The following GASK1B variants were observed in gnomAD, a reference collection of about 807,000 sequenced individuals.
The protein encoded by GASK1B is Golgi-associated kinase 1B.
Under a neutral mutation model 42.8 loss-of-function variants are expected in GASK1B, and 34 were observed. That is an observed-to-expected ratio of 0.79 (90% confidence interval 0.60 to 1.06). The LOEUF is 1.06. Ranked by LOEUF, GASK1B falls within the 50% of genes least tolerant of loss-of-function variation. The probability of loss-of-function intolerance (pLI) is 0.00; values close to 1 mark genes in which losing one functional copy is unlikely to be tolerated. For missense variants in GASK1B, 686 were observed against 661.0 expected, an observed-to-expected ratio of 1.04 and a Z score of -0.42; for synonymous variants, 262 against 259.1, an observed-to-expected ratio of 1.01 and a Z score of -0.11.
At chr4:158,162,464 G>T (rs985532323) in intron 2 of GASK1B, among the ~76,000 whole-genome samples, 1 of 152,120 alleles carries the variant, frequency 6.6e-6, no homozygotes, top group Non-Finnish European at 1.5e-5. Flanking sequence ...AGAGTCTAAG[G>T]AATGGTCCAT....
chr4:158,137,187 A>C (rs559189542), intron 3 of GASK1B, among the ~76,000 whole-genome samples: 5 of 152,264 alleles, frequency 3.3e-5, no homozygotes, highest in African/African-American at 1.2e-4. Flanking sequence ...ACGAATTCTC[A>C]TATCTCACAG....
At position 158,130,846 on chromosome 4, in the gene GASK1B, T is replaced by C; in HGVS notation, c.1292A>G (p.Lys431Arg). ...ATCTTCACTCCTGTCAAAGAAACCC[T>C]TGTTGTCTATAAAAACCAAATGCCT... ...DPRHLVFIDN[K>R]GFFDRSEDNL... Residue 431 changes from lysine (K) to arginine (R), a missense_variant, in exon 4 of 5, where the codon AAG becomes AGG. Coordinates refer to ENST00000585682, the MANE Select transcript of GASK1B (RefSeq NM_001128424.2). 2.5e-6 allele frequency: 4 copies of C among 1,613,990 alleles called. No individual in the cohort carries two copies. The highest frequency in any genetic ancestry group is 3.4e-6 in the Non-Finnish European group (4 of 1,179,964).
intron 2 of GASK1B, chr4:158,159,658 G>T (rs530668074): frequency 8.2e-6 from 2 of 244,902 alleles, no homozygotes; most frequent in Admixed American, 1.0e-4. Context: ...GGTTTTAAAA[G>T]ATATGTGGGT....
At position 158,125,103 on chromosome 4, in the gene GASK1B, C is replaced by T. The variant is rs544731031; in HGVS notation, c.*2304G>A. ...TTGTTTCAATAAGACAAAAGAAGAA[C>T]ATTACCTATTAGAATTAAAAGCCTG... On this transcript the variant is annotated 3_prime_UTR_variant, in exon 5 of 5. Coordinates refer to ENST00000585682, the MANE Select transcript of GASK1B (RefSeq NM_001128424.2). 3 of 152,256 alleles carry T rather than the reference C, an allele frequency of 2.0e-5. No individual in the cohort carries two copies. Among genetic ancestry groups the T allele is most frequent in the Admixed American group, 1.3e-4 (2 of 15,288 alleles). The allele number at this position is 152,256 out of a possible 1,614,324, so 9.4% of individuals were successfully genotyped here. A position where few individuals can be genotyped will look rare whatever the true frequency, so the allele number is the denominator to read the frequency against.
intron 3 of GASK1B, among the ~76,000 whole-genome samples, chr4:158,136,901 C>CAATA (rs1730914327): frequency 6.6e-6 from 1 of 152,134 alleles, no homozygotes. Flanking sequence ...AGTAGGTACT[C>CAATA]AATAAATGTT....
In GASK1B at chr4:158,141,920, C is replaced by CTTTTTTT. The variant is rs36207959; in HGVS notation, c.1126-10915_1126-10909dup. On this transcript the variant is annotated intron_variant, in intron 3 of 4. Transcript: ENST00000585682. Reference sequence around the variant, plus strand: ...CCGCGCCCGGCCGATGTTGTGGTTTCTTTTTTTTTTTTTTTTTTTTTTTTT... The same window carrying CTTTTTTT: ...CCGCGCCCGGCCGATGTTGTGGTTTCTTTTTTTTTTTTTTTTTTTTTTTTTTTTTTTT... Among the ~76,000 whole-genome samples, 12 of 47,614 alleles carry CTTTTTTT rather than the reference C, an allele frequency of 2.5e-4. 1 individual carries two copies. Among genetic ancestry groups the CTTTTTTT allele is most frequent in the African/African-American group, 6.1e-4 (7 of 11,436 alleles). The allele number at this position is 47,614 out of a possible 152,430, so 31.2% of individuals were successfully genotyped here.
Position 158,171,355 on chromosome 4 carries a change from CG to C in GASK1B, c.20del (p.Pro7ArgfsTer5). MTCPDK[P>X]GQLINWFICS... ...AGATGAACCAGTTTATGAGCTGCCC[CG>C]GCTTGTCTGGACAGGTCATTTCTCT... On this transcript the variant is annotated frameshift_variant, in exon 2 of 5. Transcript: ENST00000585682. LOFTEE classifies it high-confidence loss of function. 6.3e-7 allele frequency: 1 copy of C among 1,595,840 alleles called. No individual in the cohort carries two copies. The highest frequency in any genetic ancestry group is 8.6e-7 in the Non-Finnish European group (1 of 1,169,040).
chr4:158,132,685 T>C (rs1730727900), intron 3 of GASK1B, among the ~76,000 whole-genome samples: 1 of 152,178 alleles, frequency 6.6e-6, no homozygotes, highest in South Asian at 2.1e-4. Context: ...ATGAAGTTTA[T>C]GTAAAGCTGG....
intron 1 of GASK1B, 172 bp downstream of exon 1, chr4:158,172,696 A>C (rs1378201443): frequency 6.6e-6 from 1 of 152,194 alleles, no homozygotes; most frequent in Non-Finnish European, 1.5e-5. Context: ...GTTCGCAAAC[A>C]GACTCAGAAA....
In GASK1B at chr4:158,127,602, A is replaced by T; in HGVS notation, c.1365T>A (p.Ser455=). 1 of 1,612,724 alleles carries T rather than the reference A, an allele frequency of 6.2e-7. No homozygotes were observed. Among genetic ancestry groups the T allele is most frequent in the Non-Finnish European group, 8.5e-7 (1 of 1,179,518 alleles). The part of the protein sequence containing the change: ...LLEGIKEFPA[S]AVSVLKSQHL... Reference sequence around the variant, plus strand: ...GCTGGCTCTTCAAAACAGAAACTGCAGAAGCTGGAAACCTGAAAAGATAAA... The same window carrying T: ...GCTGGCTCTTCAAAACAGAAACTGCTGAAGCTGGAAACCTGAAAAGATAAA... Residue 455 remains serine (S), a synonymous_variant, in exon 5 of 5, where the codon TCT becomes TCA. Coordinates refer to ENST00000585682, the MANE Select transcript of GASK1B (RefSeq NM_001128424.2).
chr4:158,125,921 T>C lies in GASK1B; in HGVS notation c.*1486A>G, dbSNP rs1730434912. 1.3e-5 allele frequency: 2 copies of C among 152,096 alleles called. No homozygotes were observed. Among genetic ancestry groups the C allele is most frequent in the South Asian group, 4.1e-4 (2 of 4,826 alleles). 9.4% of individuals were successfully genotyped at this position (152,096 alleles called of 1,614,324 possible). On this transcript the variant is annotated 3_prime_UTR_variant, in exon 5 of 5. Transcript: ENST00000585682. ...GATTTTTTTTTTCAAATCTAGCCTC[T>C]ATTGTAACGTTGTTAGTAGTTCTCT...
chr4:158,143,845 A>G (rs1008697578), intron 3 of GASK1B, among the ~76,000 whole-genome samples: 3 of 152,180 alleles, frequency 2.0e-5, no homozygotes, highest in African/African-American at 7.2e-5. Context: ...ATTAAAAAAA[A>G]TCCTTTGTGC....
chr4:158,169,959 T>TG lies in GASK1B; in HGVS notation c.910+506dup, dbSNP rs1732396512. 6 of 431,016 alleles carry TG rather than the reference T, an allele frequency of 1.4e-5. No individual in the cohort carries two copies. The East Asian group carries it at 2.0e-4, about 14-fold the overall frequency. The allele number at this position is 431,016 out of a possible 1,614,324, so 26.7% of individuals were successfully genotyped here. ...TGTTAAATAAAGAGGTTAAATCCAT[T>TG]GAAAAAAAAAGGGGGGGTTAAACCT... On this transcript the variant is annotated intron_variant, in intron 2 of 4. Coordinates refer to ENST00000585682, the MANE Select transcript of GASK1B (RefSeq NM_001128424.2).
chr4:158,143,024 T>G (rs1213443955), intron 3 of GASK1B, among the ~76,000 whole-genome samples: 2 of 152,232 alleles, frequency 1.3e-5, no homozygotes, highest in Non-Finnish European at 2.9e-5. Flanking sequence ...ATGACACTTA[T>G]GAAACAAAAA....
intron 1 of GASK1B, chr4:158,172,665 CT>C (rs1732606598): frequency 1.3e-5 from 2 of 152,098 alleles, no homozygotes; most frequent in Non-Finnish European, 1.5e-5. Flanking sequence ...TTTTTAACCC[CT>C]GGGAGCCCTC....
chr4:158,156,518 T>C (rs895095075), intron 2 of GASK1B, among the ~76,000 whole-genome samples: 2 of 152,186 alleles, frequency 1.3e-5, no homozygotes, highest in African/African-American at 2.4e-5. Flanking sequence ...TTTTAACCTG[T>C]CACTCAATTT....
chr4:158,158,910 C>T (rs1302496780), intron 2 of GASK1B, among the ~76,000 whole-genome samples: 1 of 151,880 alleles, frequency 6.6e-6, no homozygotes, highest in Non-Finnish European at 1.5e-5. Flanking sequence ...GGGCAGTGGG[C>T]CATTTTTGGC....
At chr4:158,128,963 T>C (rs934420863) in intron 4 of GASK1B, among the ~76,000 whole-genome samples, 1 of 152,246 alleles carries the variant, frequency 6.6e-6, no homozygotes, top group African/African-American at 2.4e-5. Flanking sequence ...GCAGAATGTA[T>C]GAGATGAAAT....
At chr4:158,131,045 G>A in intron 3 of GASK1B, 33 bp from the exon 4 acceptor site, 5 of 1,563,734 alleles carry the variant, frequency 3.2e-6, no homozygotes, top group Non-Finnish European at 4.4e-6. Context: ...CCAAGATGCT[G>A]AGTGAAAACA....
Sources: gnomAD v4.1 joint callset for allele counts (sites outside exome capture counted in the v4.1 genomes callset) on GRCh38, gnomAD v4.1.1 for gene constraint, MANE v1.5 for transcripts, NCBI Gene and HGNC (gene_info 2026-07-23, HGNC 2026-07-21) for gene names.